The following ACAP2 variants were observed in gnomAD, a reference collection of about 807,000 sequenced individuals.
The protein encoded by ACAP2 is ArfGAP with coiled-coil, ankyrin repeat and PH domains 2.
A neutral mutation model predicts 115.8 loss-of-function variants in ACAP2; 39 were observed. That is an observed-to-expected ratio of 0.34 (90% confidence interval 0.26 to 0.44). The LOEUF is 0.44. Ranked by LOEUF, ACAP2 falls within the 20% of genes least tolerant of loss-of-function variation. The pLI is 1.00. For missense variants in ACAP2, 662 were observed against 927.6 expected (o/e 0.71, Z 3.72); for synonymous variants, 289 against 315.8 (o/e 0.92, Z 0.90).
intron 2 of ACAP2, 99 bp from the exon 3 acceptor site, chr3:195,382,121 G>C: frequency 9.2e-7 from 1 of 1,084,730 alleles, no homozygotes; most frequent in Non-Finnish European, 1.3e-6. Flanking sequence ...ACCTAGTTAA[G>C]TTCAATTTGT....
At chr3:195,292,522 G>A (rs1199432057) in intron 18 of ACAP2, 70 bp from the exon 19 acceptor site, 6 of 1,440,522 alleles carry the variant, frequency 4.2e-6, no homozygotes, top group Admixed American at 2.3e-5. Flanking sequence ...TATTTAATAG[G>A]TAGAGTTTCA....
chr3:195,297,164 G>A lies in ACAP2; in HGVS notation c.1487+26C>T, dbSNP rs757734440. 28 of 1,577,848 alleles carry A rather than the reference G, an allele frequency of 1.8e-5. No homozygotes were observed. The Middle Eastern group carries it at 5.0e-4, about 28-fold the overall frequency. On this transcript the variant is annotated intron_variant, in intron 16 of 22. Transcript: ENST00000326793. ...AAAATCATAGCTATATTCCTAATTA[G>A]GGGGAAAAAACAACTGAAATAGTAC...
intron 2 of ACAP2, among the ~76,000 whole-genome samples, chr3:195,389,933 T>C (rs1734549999): frequency 6.6e-6 from 1 of 152,220 alleles, no homozygotes; most frequent in Admixed American, 6.5e-5. Flanking sequence ...CAGTGGCTCA[T>C]GCCTGTAATC....
chr3:195,306,739 T>C (rs74787986), intron 12 of ACAP2, 123 bp from the exon 13 acceptor site: 1 of 687,994 alleles, frequency 1.5e-6, no homozygotes, highest in Non-Finnish European at 2.3e-6. Context: ...ATATAATTTG[T>C]TGAAAGAAGG....
chr3:195,312,228 G>A (rs1048484745), intron 10 of ACAP2, among the ~76,000 whole-genome samples: 9 of 152,122 alleles, frequency 5.9e-5, no homozygotes, highest in Admixed American at 1.3e-4. Context: ...ATTCATGTAA[G>A]TGCCAAATAG....
At chr3:195,368,303 CTAT>C in intron 4 of ACAP2, among the ~76,000 whole-genome samples, 1 of 152,180 alleles carries the variant, frequency 6.6e-6, no homozygotes, top group Non-Finnish European at 1.5e-5. Flanking sequence ...GCATGCACCA[CTAT>C]GCCTGGCTAA....
chr3:195,331,339 C>CTT (rs11376042), intron 8 of ACAP2, among the ~76,000 whole-genome samples: 29 of 149,054 alleles, frequency 1.9e-4, no homozygotes, highest in South Asian at 6.4e-4. Context: ...TTTTCTTTTC[C>CTT]TTTTTTTTTT....
chr3:195,338,519 C>T (rs968891943), intron 6 of ACAP2, among the ~76,000 whole-genome samples: 15 of 152,128 alleles, frequency 9.9e-5, no homozygotes, highest in African/African-American at 3.6e-4. Flanking sequence ...CAGGTTCTCA[C>T]TGTGTTGCAC....
intron 1 of ACAP2, among the ~76,000 whole-genome samples, chr3:195,439,218 A>C (rs1715819600): frequency 6.8e-6 from 1 of 146,392 alleles, no homozygotes; most frequent in South Asian, 2.2e-4. Flanking sequence ...TAAGAGAGAG[A>C]GAGAGAGTCT....
intron 9 of ACAP2, among the ~76,000 whole-genome samples, chr3:195,323,083 G>C (rs1729553788): frequency 6.6e-6 from 1 of 152,168 alleles, no homozygotes; most frequent in Admixed American, 6.5e-5. Flanking sequence ...AGGAGAACTT[G>C]AGTTTTGGTG....
intron 1 of ACAP2, among the ~76,000 whole-genome samples, chr3:195,415,670 G>T (rs563638631): frequency 1.3e-5 from 2 of 152,110 alleles, no homozygotes; most frequent in Admixed American, 6.5e-5. Flanking sequence ...ACTGACACTT[G>T]TATCATTTAT....
chr3:195,310,985 A>G (rs1464279291), intron 10 of ACAP2, among the ~76,000 whole-genome samples: 2 of 152,176 alleles, frequency 1.3e-5, no homozygotes, highest in African/African-American at 2.4e-5. Flanking sequence ...TAAAAAAACT[A>G]GTAACATTGA....
rs769179932 is a variant in ACAP2, at chr3:195,307,220, T to C, written c.1010+3A>G. 12 of 1,610,106 alleles carry C rather than the reference T, an allele frequency of 7.5e-6. No homozygotes were observed. Among genetic ancestry groups the C allele is most frequent in the Non-Finnish European group, 1.0e-5 (12 of 1,177,226 alleles). On this transcript the variant is annotated splice_donor_region_variant and intron_variant, in intron 12 of 22. Coordinates refer to ENST00000326793, the MANE Select transcript of ACAP2 (RefSeq NM_012287.6). Reference sequence around the variant, plus strand: ...AAATCACAGATCCTTTAGAACCACTTACTTTGTTGGCGAGACCACCTCAAA... The same window carrying C: ...AAATCACAGATCCTTTAGAACCACTCACTTTGTTGGCGAGACCACCTCAAA...
intron 4 of ACAP2, among the ~76,000 whole-genome samples, chr3:195,351,441 CGTGTGTGT>C (rs56049053): frequency 0.023 from 2,930 of 130,020 alleles, 40 homozygotes; most frequent in Non-Finnish European, 0.025. Context: ...TTTTCTTTTT[CGTGTGTGT>C]GTGTGTGTGT....
intron 1 of ACAP2, among the ~76,000 whole-genome samples, chr3:195,432,413 C>T (rs548931560): frequency 6.6e-5 from 10 of 152,302 alleles, no homozygotes; most frequent in South Asian, 4.1e-4. Flanking sequence ...TGTGGATATT[C>T]AGTTGTCTTT....
intron 4 of ACAP2, among the ~76,000 whole-genome samples, chr3:195,358,428 A>G (rs1040528214): frequency 6.6e-6 from 1 of 152,162 alleles, no homozygotes; most frequent in African/African-American, 2.4e-5. Context: ...GAGATATGTG[A>G]CCTTTCAGAC....
At chr3:195,284,310 C>T (rs925250184) in intron 22 of ACAP2, among the ~76,000 whole-genome samples, 1 of 152,210 alleles carries the variant, frequency 6.6e-6, no homozygotes. Flanking sequence ...GCCTCAAAAA[C>T]GGCCTAGTAA....
chr3:195,330,407 G>A (rs13091924), intron 8 of ACAP2, among the ~76,000 whole-genome samples: 68,288 of 152,008 alleles, frequency 0.45, 17,037 homozygotes, highest in Middle Eastern at 0.67. Context: ...GAGATCTAGA[G>A]AGGGGGTAAA....
At chr3:195,351,441 C>CGTGTGTGTGTGTGT (rs56049053) in intron 4 of ACAP2, among the ~76,000 whole-genome samples, 14 of 130,056 alleles carry the variant, frequency 1.1e-4, no homozygotes, top group African/African-American at 3.8e-4. Flanking sequence ...TTTTCTTTTT[C>CGTGTGTGTGTGTGT]GTGTGTGTGT....
Sources: gnomAD v4.1 joint callset for allele counts (sites outside exome capture counted in the v4.1 genomes callset) on GRCh38, gnomAD v4.1.1 for gene constraint, MANE v1.5 for transcripts, NCBI Gene and HGNC (gene_info 2026-07-23, HGNC 2026-07-21) for gene names.